Variants in FBN1 observed in about 807,000 individuals in gnomAD.
FBN1 encodes the protein fibrillin-1.
Under a neutral mutation model 365.1 loss-of-function variants are expected in FBN1, and 29 were observed. The observed-to-expected ratio is 0.08, with a 90% CI of 0.06 to 0.11. The LOEUF is 0.11. Among genes scored for constraint, FBN1 ranks in the 10% least tolerant of loss-of-function variants. FBN1 has a pLI of 1.00. For synonymous variants in FBN1, 1,210 were observed against 1,270.5 expected, an observed-to-expected ratio of 0.95 and a Z score of 1.01; for missense variants, 2,476 against 3,703.2, an observed-to-expected ratio of 0.67 and a Z score of 8.60.
chr15:48,538,695 A>G (rs2044033124), intron 6 of FBN1, among the ~76,000 whole-genome samples: 1 of 152,178 alleles, frequency 6.6e-6, no homozygotes, highest in Admixed American at 6.5e-5. Flanking sequence ...AATCAGGGCC[A>G]TAATATCCAT....
intron 6 of FBN1, among the ~76,000 whole-genome samples, chr15:48,574,565 CAA>C (rs796605948): frequency 3.0e-5 from 4 of 134,494 alleles, no homozygotes; most frequent in Admixed American, 7.5e-5. Flanking sequence ...CTTGCCCATT[CAA>C]AAAAAAAAAA....
At chr15:48,434,139 C>T (rs1050056244) in intron 54 of FBN1, among the ~76,000 whole-genome samples, 1 of 152,168 alleles carries the variant, frequency 6.6e-6, no homozygotes, top group African/African-American at 2.4e-5. Flanking sequence ...TTATATATTA[C>T]AGGCAACCGC....
In FBN1 at chr15:48,412,873, G is replaced by A; in HGVS notation, c.8052-130C>T. The A allele has an allele frequency of 2.8e-6, 3 of 1,085,736 alleles. No individual in the cohort carries two copies. In the South Asian group the frequency reaches 3.8e-5, roughly 14 times the overall value. 67.3% of individuals were successfully genotyped at this position (1,085,736 alleles called of 1,614,324 possible). On this transcript the variant is annotated intron_variant, in intron 64 of 65. Transcript: ENST00000316623. ...CCCTTGCTTGTCCACTGGAGGATCAGCTAGTTCTGAGAACTACATTGAGGT... is the reference window on the plus strand; with the variant it reads ...CCCTTGCTTGTCCACTGGAGGATCAACTAGTTCTGAGAACTACATTGAGGT...
intron 6 of FBN1, among the ~76,000 whole-genome samples, chr15:48,541,284 T>G (rs1418819542): frequency 2.6e-5 from 4 of 152,242 alleles, no homozygotes; most frequent in African/African-American, 9.6e-5. Context: ...GAATACTTTA[T>G]GTAGAATAGA....
intron 6 of FBN1, among the ~76,000 whole-genome samples, chr15:48,549,838 CA>C (rs933208402): frequency 6.9e-6 from 1 of 144,206 alleles, no homozygotes; most frequent in Non-Finnish European, 1.5e-5. Context: ...CAAGCACAGA[CA>C]AAAAAACGAC....
Position 48,520,694 on chromosome 15 carries a change from G to T in FBN1, c.1112C>A (p.Thr371Asn). ...DAGRCWSPGV[T>N]VAPEMCPIRA... Reference sequence around the variant, plus strand: ...GATGGGACACATCTCAGGGGCGACAGTGACCCCTGGAGACCAGCATCGGCC... The same window carrying T: ...GATGGGACACATCTCAGGGGCGACATTGACCCCTGGAGACCAGCATCGGCC... Residue 371 changes from threonine to asparagine, a missense_variant, in exon 10 of 66, where the codon ACT (threonine) becomes AAT (asparagine). Thr to Asn is a moderately conservative substitution (Grantham distance 65, BLOSUM62 0). Around this residue, in one of 5 missense-constraint regions of FBN1, gnomAD observed 421 missense variants for 520.1 expected, o/e 0.81. Transcript: ENST00000316623. 6.2e-7 allele frequency: 1 copy of T among 1,614,152 alleles called. No homozygotes were observed. Among genetic ancestry groups the T allele is most frequent in the Non-Finnish European group, 8.5e-7 (1 of 1,180,030 alleles).
intron 6 of FBN1, among the ~76,000 whole-genome samples, chr15:48,544,407 T>G (rs972372766): frequency 3.9e-5 from 6 of 152,202 alleles, no homozygotes; most frequent in Non-Finnish European, 8.8e-5. Flanking sequence ...TGTAACTAAA[T>G]GTTTTTAAAA....
chr15:48,539,788 T>C (rs1157751924), intron 6 of FBN1, among the ~76,000 whole-genome samples: 1 of 151,618 alleles, frequency 6.6e-6, no homozygotes, highest in Non-Finnish European at 1.5e-5. Context: ...TCTCTGTTTA[T>C]CATTTGTCTT....
intron 58 of FBN1, 109 bp downstream of exon 58, chr15:48,427,458 G>T: frequency 8.7e-7 from 1 of 1,152,036 alleles, no homozygotes; most frequent in Non-Finnish European, 1.3e-6. Flanking sequence ...CCTCAGCTGT[G>T]CAATTCAACC....
intron 8 of FBN1, among the ~76,000 whole-genome samples, chr15:48,532,353 C>A (rs1394052801): frequency 6.6e-6 from 1 of 152,082 alleles, no homozygotes; most frequent in Admixed American, 6.5e-5. Context: ...TAAAACACAA[C>A]CTATCGTTGA....
chr15:48,616,908 C>CT (rs1889664614), intron 2 of FBN1, among the ~76,000 whole-genome samples: 2 of 151,846 alleles, frequency 1.3e-5, no homozygotes, highest in African/African-American at 4.8e-5. Flanking sequence ...ATGTTTAACA[C>CT]TAAAAAAAAA....
intron 2 of FBN1, chr15:48,644,197 C>A (rs1389328552): frequency 2.1e-5 from 4 of 189,852 alleles, no homozygotes; most frequent in South Asian, 1.2e-4. Context: ...CCTTCCTTTC[C>A]TTGCCCCCTT....
chr15:48,533,603 A>G lies in FBN1; in HGVS notation c.862+477T>C, dbSNP rs183564841. Among the ~76,000 whole-genome samples, 1,017 of 152,328 alleles carry G rather than the reference A, an allele frequency of 6.7e-3. 6 individuals carry two copies. The highest frequency in any genetic ancestry group is 0.014 in the Middle Eastern group (4 of 294). On this transcript the variant is annotated intron_variant, in intron 8 of 65. Transcript: ENST00000316623. Reference sequence around the variant, plus strand: ...ATTTGATAGGCAATTACCATCCCCCAGAAAAGAAAATCATGAGCATGTACT... The same window carrying G: ...ATTTGATAGGCAATTACCATCCCCCGGAAAAGAAAATCATGAGCATGTACT...
rs1890266125 is a variant in FBN1 at position 48,644,837 on chromosome 15, G to T, written c.-68C>A. ...CGGGGCTCGGTCTGCGGCCGCCGCTGCGCCCTGAAGCGCACCGCGCCGCCG... is the reference window on the plus strand; with the variant it reads ...CGGGGCTCGGTCTGCGGCCGCCGCTTCGCCCTGAAGCGCACCGCGCCGCCG... On this transcript the variant is annotated 5_prime_UTR_variant, in exon 2 of 66. Transcript: ENST00000316623. 1.4e-6 allele frequency: 2 copies of T among 1,426,674 alleles called. No individual in the cohort carries two copies. Among genetic ancestry groups the T allele is most frequent in the African/African-American group, 3.0e-5 (2 of 67,122 alleles). 88.4% of individuals were successfully genotyped at this position (1,426,674 alleles called of 1,614,324 possible). A position where few individuals can be genotyped will look rare whatever the true frequency, so the allele number is the denominator to read the frequency against.
At chr15:48,472,457 TTAAA>T in intron 35 of FBN1, 90 bp downstream of exon 35, 4 of 1,370,504 alleles carry the variant, frequency 2.9e-6, no homozygotes, top group Admixed American at 1.8e-5. Context: ...ACACCTCAGT[TTAAA>T]AAAAAAAAAA....
At chr15:48,634,387 G>A (rs971911823) in intron 2 of FBN1, among the ~76,000 whole-genome samples, 7 of 152,204 alleles carry the variant, frequency 4.6e-5, no homozygotes, top group Non-Finnish European at 8.8e-5. Flanking sequence ...TCCCCTAAAA[G>A]AGGCTGATTA....
At position 48,463,895 on chromosome 15, in the gene FBN1, T is replaced by C. The variant is rs370287674; in HGVS notation, c.5065+4A>G. 5 of 1,609,848 alleles carry C rather than the reference T, an allele frequency of 3.1e-6. No homozygotes were observed. The highest frequency in any genetic ancestry group is 4.2e-6 in the Non-Finnish European group (5 of 1,178,024). ...ATGCATTACTGAGAAAAGCTTGGAC[T>C]TACCCATGCAATTATTTCCCCCATT... On this transcript the variant is annotated splice_donor_region_variant and intron_variant, in intron 41 of 65. Coordinates refer to ENST00000316623, the MANE Select transcript of FBN1 (RefSeq NM_000138.5).
At chr15:48,448,733 G>T in intron 46 of FBN1, 35 bp downstream of exon 46, 1 of 1,598,248 alleles carries the variant, frequency 6.3e-7, no homozygotes, top group Non-Finnish European at 8.5e-7. Flanking sequence ...GCTTTCAACA[G>T]CATATGAAAA....
rs111412149 is a variant in FBN1, at chr15:48,490,170, A to G, written c.2855-92T>C. 30 of 1,074,164 alleles carry G rather than the reference A, an allele frequency of 2.8e-5. 1 individual carries two copies. The highest frequency in any genetic ancestry group is 2.6e-4 in the African/African-American group (17 of 64,348). 66.5% of individuals were successfully genotyped at this position (1,074,164 alleles called of 1,614,324 possible). On this transcript the variant is annotated intron_variant, in intron 24 of 65. Coordinates refer to ENST00000316623, the MANE Select transcript of FBN1 (RefSeq NM_000138.5). ...CTCTGTTAGGTAAAATACTGCACAC[A>G]TAATAATTTGCTGTATACTTATTGA...
Sources: gnomAD v4.1 joint callset for allele counts (sites outside exome capture counted in the v4.1 genomes callset) on GRCh38, gnomAD v4.1.1 for gene constraint, gnomAD v4.1.1 regional missense constraint, MANE v1.5 for transcripts, NCBI Gene and HGNC (gene_info 2026-07-23, HGNC 2026-07-21) for gene names.